SOS1: variants seen among roughly 807,000 people sequenced by gnomAD.
The protein encoded by SOS1 is son of sevenless homolog 1.
Under a neutral mutation model 157.6 loss-of-function variants are expected in SOS1, and 25 were observed. The observed-to-expected ratio is 0.16, with a 90% CI of 0.12 to 0.22. The LOEUF is 0.22. Among genes scored for constraint, SOS1 ranks in the 10% least tolerant of loss-of-function variants. SOS1 has a pLI of 1.00. For synonymous variants in SOS1, 528 were observed against 534.0 expected (o/e 0.99, Z 0.16); for missense variants, 1,237 against 1,599.1 (o/e 0.77, Z 3.86).
intron 1 of SOS1, among the ~76,000 whole-genome samples, chr2:39,080,762 T>G (rs1337231295): frequency 1.3e-5 from 2 of 152,176 alleles, no homozygotes; most frequent in Non-Finnish European, 2.9e-5. Context: ...TTTTTTTTTT[T>G]GCACTGATAG....
chr2:39,083,936 C>T (rs922582204), intron 1 of SOS1, among the ~76,000 whole-genome samples: 1 of 152,098 alleles, frequency 6.6e-6, no homozygotes, highest in Non-Finnish European at 1.5e-5. Context: ...GAGATAAAGT[C>T]TTTAAAGAGG....
At position 39,022,577 on chromosome 2, in the gene SOS1, C is replaced by A. The variant is rs771755730; in HGVS notation, c.1851G>T (p.Met617Ile). ...IKLIERLTYH[M>I]YADPNFVRTF... ...CAACTGCATAATTCTTACCTGCGTA[C>A]ATATGGTACGTAAGCCTCTCTATAA... Residue 617 changes from methionine (M) to isoleucine (I), a missense_variant, in exon 10 of 23, where the codon ATG becomes ATT. By Grantham distance (10) the Met-to-Ile change is conservative (BLOSUM62 1). Coordinates refer to ENST00000402219, the MANE Select transcript of SOS1 (RefSeq NM_005633.4). 6.2e-7 allele frequency: 1 copy of A among 1,612,406 alleles called. No individual in the cohort carries two copies.
At chr2:39,031,548 G>A (rs1425533379) in intron 8 of SOS1, among the ~76,000 whole-genome samples, 1 of 152,062 alleles carries the variant, frequency 6.6e-6, no homozygotes. Context: ...TGGCCAACAT[G>A]GCAAAACCCT....
At chr2:38,994,770 C>T (rs570450596) in intron 20 of SOS1, among the ~76,000 whole-genome samples, 25 of 152,278 alleles carry the variant, frequency 1.6e-4, no homozygotes, top group African/African-American at 5.8e-4. Context: ...AGCCAGGCAG[C>T]ATTTGAAACA....
intron 1 of SOS1, among the ~76,000 whole-genome samples, chr2:39,070,094 C>G (rs1671746714): frequency 6.6e-6 from 1 of 152,198 alleles, no homozygotes; most frequent in Non-Finnish European, 1.5e-5. Flanking sequence ...CCACCACACT[C>G]TGACTAACGT....
At chr2:38,991,755 G>A (rs909498193) in intron 20 of SOS1, among the ~76,000 whole-genome samples, 9 of 152,022 alleles carry the variant, frequency 5.9e-5, no homozygotes, top group South Asian at 2.1e-4. Flanking sequence ...TATTTTTAGC[G>A]TTTAACTGTG....
chr2:39,088,936 C>A (rs570504864), intron 1 of SOS1, among the ~76,000 whole-genome samples: 1 of 152,264 alleles, frequency 6.6e-6, no homozygotes, highest in East Asian at 1.9e-4. Context: ...CAGCAATGCA[C>A]AGTTTCCAAT....
intron 10 of SOS1, among the ~76,000 whole-genome samples, chr2:39,021,319 C>T (rs901553778): frequency 1.3e-5 from 2 of 151,500 alleles, no homozygotes; most frequent in African/African-American, 4.8e-5. Flanking sequence ...GTTCCCCAGA[C>T]AATAGTTGTA....
intron 1 of SOS1, among the ~76,000 whole-genome samples, chr2:39,091,589 C>T (rs575808730): frequency 5.7e-4 from 79 of 138,476 alleles, no homozygotes; most frequent in African/African-American, 1.8e-3. Context: ...TAAAAGAACT[C>T]GAAAAAAAAA....
In SOS1 at chr2:39,067,877, G is replaced by A. The variant is rs1486350272; in HGVS notation, c.88-124C>T. 31 of 809,050 alleles carry A rather than the reference G, an allele frequency of 3.8e-5. No individual in the cohort carries two copies. In the East Asian group the frequency reaches 7.4e-4, roughly 19 times the overall value. The allele number at this position is 809,050 out of a possible 1,614,324, so 50.1% of individuals were successfully genotyped here. A position where few individuals can be genotyped will look rare whatever the true frequency, so the allele number is the denominator to read the frequency against. Reference sequence around the variant, plus strand: ...CTCATGCCTGTAATGCCAGCACTCTGGGAGGCCAAGGCGGGCAGATCACCT... The same window carrying A: ...CTCATGCCTGTAATGCCAGCACTCTAGGAGGCCAAGGCGGGCAGATCACCT... On this transcript the variant is annotated intron_variant, in intron 1 of 22. Coordinates refer to ENST00000402219, the MANE Select transcript of SOS1 (RefSeq NM_005633.4).
At chr2:39,013,770 G>T (rs1486997581) in intron 12 of SOS1, 97 bp downstream of exon 12, 2 of 1,054,172 alleles carry the variant, frequency 1.9e-6, no homozygotes, top group Admixed American at 1.8e-5. Context: ...TAATTTTATT[G>T]TCACCCCTCT....
At chr2:38,992,557 C>G (rs970850194) in intron 20 of SOS1, 5 of 152,172 alleles carry the variant, frequency 3.3e-5, no homozygotes, top group African/African-American at 1.2e-4. Context: ...TTCTTCGCTG[C>G]TTAGCTAGTC....
intron 8 of SOS1, 57 bp downstream of exon 8, chr2:39,035,155 C>G: frequency 3.2e-6 from 3 of 933,978 alleles, no homozygotes; most frequent in Non-Finnish European, 4.7e-6. Flanking sequence ...AATGAAGTAG[C>G]AAAAAAAAAA....
At chr2:39,066,756 T>C (rs1471139330) in intron 2 of SOS1, among the ~76,000 whole-genome samples, 1 of 152,202 alleles carries the variant, frequency 6.6e-6, no homozygotes, top group East Asian at 1.9e-4. Context: ...TCTCTCTCAA[T>C]TGGTGGGAAA....
chr2:39,100,007 G>A (rs1055897308), intron 1 of SOS1, among the ~76,000 whole-genome samples: 3 of 152,188 alleles, frequency 2.0e-5, no homozygotes, highest in African/African-American at 7.2e-5. Context: ...ATGAGCCACT[G>A]TGCCCGGCCA....
At chr2:39,124,323 T>A (rs907796955), upstream of SOS1, 1 of 152,324 alleles carries the variant, frequency 6.6e-6, no homozygotes, top group African/African-American at 2.4e-5. Context: ...GGGTGCGCCC[T>A]GGCGCAGGCG....
At chr2:39,062,554 C>A (rs192794262) in intron 2 of SOS1, among the ~76,000 whole-genome samples, 2 of 140,216 alleles carry the variant, frequency 1.4e-5, no homozygotes, top group Admixed American at 7.2e-5. Context: ...TTACATTTTA[C>A]GATGAAGGGC....
chr2:39,072,498 C>G (rs1671825367), intron 1 of SOS1, among the ~76,000 whole-genome samples: 2 of 152,112 alleles, frequency 1.3e-5, no homozygotes, highest in Admixed American at 6.6e-5. Context: ...GCAGTTAGAA[C>G]TAAAACAGAT....
chr2:39,119,539 G>A (rs1239192348), intron 1 of SOS1, among the ~76,000 whole-genome samples: 1 of 152,184 alleles, frequency 6.6e-6, no homozygotes, highest in Non-Finnish European at 1.5e-5. Context: ...TACAGAAAAG[G>A]TAAATGAAGA....
Sources: gnomAD v4.1 joint callset for allele counts (sites outside exome capture counted in the v4.1 genomes callset) on GRCh38, gnomAD v4.1.1 for gene constraint, MANE v1.5 for transcripts, NCBI Gene and HGNC (gene_info 2026-07-23, HGNC 2026-07-21) for gene names.